TDG: variants seen among roughly 807,000 people sequenced by gnomAD.
TDG encodes G/T mismatch-specific thymine DNA glycosylase.
TDG carries 23 observed loss-of-function variants against 46.1 expected under a neutral mutation model. That is an observed-to-expected ratio of 0.50 (90% CI 0.36 to 0.71). The LOEUF (loss-of-function observed/expected upper bound fraction) is 0.71, where lower values mean the gene tolerates loss of function less well. TDG is among the 30% of genes least tolerant of loss of function. The probability of loss-of-function intolerance (pLI) is 0.00; values close to 1 mark genes in which losing one functional copy is unlikely to be tolerated. For synonymous variants in TDG, 115 were observed against 161.3 expected (o/e 0.71, Z 2.18); for missense variants, 304 against 486.7 (o/e 0.62, Z 3.53).
intron 2 of TDG, among the ~76,000 whole-genome samples, chr12:103,978,310 A>G (rs1443764923): frequency 6.6e-6 from 1 of 152,148 alleles, no homozygotes; most frequent in Non-Finnish European, 1.5e-5. Flanking sequence ...GGTTTCTGGC[A>G]TTGGCATTTG....
chr12:103,985,254 C>G (rs566768198), intron 8 of TDG, among the ~76,000 whole-genome samples: 2 of 148,314 alleles, frequency 1.3e-5, no homozygotes, highest in East Asian at 4.0e-4. Flanking sequence ...AAAAAGAAAA[C>G]AATTATATTC....
At chr12:103,983,259 T>C in intron 6 of TDG, 36 bp from the exon 7 acceptor site, 1 of 1,572,120 alleles carries the variant, frequency 6.4e-7, no homozygotes, top group Non-Finnish European at 8.6e-7. Context: ...TTGCTAACAT[T>C]ATGGGCAATG....
intron 1 of TDG, among the ~76,000 whole-genome samples, chr12:103,967,583 A>G (rs1871101839): frequency 1.3e-5 from 2 of 151,428 alleles, no homozygotes; most frequent in Admixed American, 6.6e-5. Flanking sequence ...CAGCCTCCCA[A>G]GTAGCTGGGA....
At chr12:103,976,184 C>A (rs1871527352) in intron 1 of TDG, among the ~76,000 whole-genome samples, 1 of 152,126 alleles carries the variant, frequency 6.6e-6, no homozygotes, top group African/African-American at 2.4e-5. Context: ...ATGGGCAGAT[C>A]TCTTGAGCTC....
At chr12:103,966,149 T>C in intron 1 of TDG, 89 bp downstream of exon 1, 2 of 1,391,508 alleles carry the variant, frequency 1.4e-6, no homozygotes, top group Non-Finnish European at 1.9e-6. Context: ...AGGGGTCTTT[T>C]AAATCCCGGC....
In TDG at chr12:103,965,902, C is replaced by G; in HGVS notation, c.-136C>G. On this transcript the variant is annotated 5_prime_UTR_variant, in exon 1 of 10. Coordinates refer to ENST00000392872, the MANE Select transcript of TDG (RefSeq NM_003211.6). ...CCTGGAGGAGGAGCTTGAGTCCAGC[C>G]ACTGTCTGGGTACTGCCAGCCATCG... is the stretch of plus-strand genomic sequence containing the variant. 1 of 1,366,532 alleles carries G rather than the reference C, an allele frequency of 7.3e-7. No individual in the cohort carries two copies. The allele number at this position is 1,366,532 out of a possible 1,614,324, so 84.7% of individuals were successfully genotyped here. A position where few individuals can be genotyped will look rare whatever the true frequency, so the allele number is the denominator to read the frequency against.
chr12:103,983,281 G>A lies in TDG; in HGVS notation c.698-14G>A. ...CATTATGGGCAATGTAAATATGTTTGTATTTCATTTTAGGTATTTATGAAA... is the reference window on the plus strand; with the variant it reads ...CATTATGGGCAATGTAAATATGTTTATATTTCATTTTAGGTATTTATGAAA... On this transcript the variant is annotated splice_polypyrimidine_tract_variant and intron_variant, in intron 6 of 9. Transcript: ENST00000392872. 6.4e-7 allele frequency: 1 copy of A among 1,565,046 alleles called. No homozygotes were observed. Among genetic ancestry groups the A allele is most frequent in the Non-Finnish European group, 8.6e-7 (1 of 1,159,682 alleles).
intron 8 of TDG, among the ~76,000 whole-genome samples, chr12:103,985,202 CACACACAT>C (rs994923090): frequency 2.9e-5 from 4 of 136,142 alleles, no homozygotes; most frequent in African/African-American, 1.1e-4. Flanking sequence ...CACACACACA[CACACACAT>C]TACAGAAAGT....
chr12:103,968,336 A>G (rs1170419827), intron 1 of TDG, among the ~76,000 whole-genome samples: 1 of 152,212 alleles, frequency 6.6e-6, no homozygotes, highest in Non-Finnish European at 1.5e-5. Context: ...GAATACCAAC[A>G]GGAAAGATTA....
chr12:103,983,315 A>G lies in TDG; in HGVS notation c.718A>G (p.Lys240Glu), dbSNP rs2136241708. 2.5e-6 allele frequency: 4 copies of G among 1,593,504 alleles called. No individual in the cohort carries two copies. The East Asian group carries it at 9.1e-5, about 36-fold the overall frequency. The part of the protein sequence containing the change: ...NGKCIYEIFS[K>E]EVFGVKVKNL... ...TTTAGGTATTTATGAAATTTTTAGT[A>G]AAGAAGTTTTTGGAGTAAAGGTTAA... The change falls in exon 7 of 10, where the codon AAA becomes GAA. Residue 240 changes from lysine (K) to glutamate (E), a missense_variant. By Grantham distance (56) the Lys-to-Glu change is moderately conservative (BLOSUM62 1). Transcript: ENST00000392872.
intron 2 of TDG, among the ~76,000 whole-genome samples, chr12:103,978,600 A>G (rs145403758): frequency 2.0e-4 from 31 of 152,332 alleles, no homozygotes; most frequent in African/African-American, 7.0e-4. Context: ...GACTGCCTGT[A>G]TCCTGCGAGG....
intron 8 of TDG, 71 bp downstream of exon 8, chr12:103,984,991 A>G: frequency 2.4e-6 from 3 of 1,252,118 alleles, no homozygotes; most frequent in South Asian, 1.9e-5. Flanking sequence ...TTACATATAT[A>G]TACACATATA....
intron 3 of TDG, 43 bp downstream of exon 3, chr12:103,980,115 G>C: frequency 6.2e-7 from 1 of 1,607,372 alleles, no homozygotes; most frequent in Non-Finnish European, 8.5e-7. Context: ...TAGTATTGGG[G>C]GATCAGCTTT....
intron 1 of TDG, among the ~76,000 whole-genome samples, chr12:103,976,351 G>C (rs1281059756): frequency 6.6e-6 from 1 of 151,844 alleles, no homozygotes; most frequent in African/African-American, 2.4e-5. Flanking sequence ...AAGTAACAGT[G>C]AACCAAGATC....
chr12:103,969,851 C>G (rs1488559937), intron 1 of TDG, among the ~76,000 whole-genome samples: 1 of 152,090 alleles, frequency 6.6e-6, no homozygotes. Context: ...GAGGCTTTAT[C>G]TGGAGTTTTG....
chr12:103,981,345 C>T (rs951508387), intron 4 of TDG, among the ~76,000 whole-genome samples: 2 of 149,084 alleles, frequency 1.3e-5, no homozygotes, highest in Non-Finnish European at 3.0e-5. Context: ...AAGTGATTCT[C>T]CTGCCTCAGC....
intron 1 of TDG, among the ~76,000 whole-genome samples, chr12:103,968,194 G>T (rs1219376946): frequency 6.6e-6 from 1 of 152,126 alleles, no homozygotes; most frequent in African/African-American, 2.4e-5. Flanking sequence ...AACCAGAGAG[G>T]AATAAAGGAG....
intron 2 of TDG, among the ~76,000 whole-genome samples, chr12:103,979,402 C>G (rs1871706542): frequency 6.6e-6 from 1 of 152,122 alleles, no homozygotes; most frequent in Non-Finnish European, 1.5e-5. Context: ...CCATACCTGG[C>G]CCATTTGTGG....
rs564617096 is a variant in TDG, at chr12:103,975,495, G to T, written c.24-1423G>T. On this transcript the variant is annotated intron_variant, in intron 1 of 9. Transcript: ENST00000392872. The stretch of plus-strand genomic sequence containing the variant: ...GGCTACATCTGATGAGGGGCTTCTT[G>T]CTGCGTCATAAAATGGCAGAAGGAA... 1.3e-5 allele frequency among the ~76,000 whole-genome samples: 2 copies of T among 152,302 alleles called. 1 individual carries two copies. Among genetic ancestry groups the T allele is most frequent in the South Asian group, 4.2e-4 (2 of 4,818 alleles).
Sources: allele counts gnomAD v4.1 joint callset (sites outside exome capture counted in the v4.1 genomes callset), GRCh38; gene constraint gnomAD v4.1.1; transcripts MANE v1.5; gene names NCBI Gene and HGNC (gene_info 2026-07-23, HGNC 2026-07-21).